Variants in ADGRG6 observed in about 807,000 individuals in gnomAD.
ADGRG6 encodes G-protein coupled receptor 126.
ADGRG6 carries 84 observed loss-of-function variants against 142.4 expected under a neutral mutation model. The observed-to-expected ratio is 0.59, with a 90% CI of 0.49 to 0.71. The LOEUF is 0.71. Ranked by LOEUF, ADGRG6 falls within the 30% of genes least tolerant of loss-of-function variation. The pLI is 0.00. For synonymous variants in ADGRG6, 521 were observed against 520.5 expected, an observed-to-expected ratio of 1.00 and a Z score of -0.01; for missense variants, 1,367 against 1,466.6, an observed-to-expected ratio of 0.93 and a Z score of 1.11.
intron 2 of ADGRG6, among the ~76,000 whole-genome samples, chr6:142,322,610 A>G (rs919758477): frequency 6.6e-6 from 1 of 152,052 alleles, no homozygotes; most frequent in South Asian, 2.1e-4. Flanking sequence ...AAAAACCAAC[A>G]TATCCTTTTT....
intron 17 of ADGRG6, 66 bp from the exon 18 acceptor site, chr6:142,411,239 G>T (rs929971658): frequency 9.5e-6 from 8 of 841,152 alleles, no homozygotes; most frequent in Non-Finnish European, 1.7e-5. Context: ...TCTATAGAAG[G>T]TCTCATCCAT....
chr6:142,362,314 A>G (rs766324100), intron 2 of ADGRG6, among the ~76,000 whole-genome samples: 15 of 152,222 alleles, frequency 9.9e-5, no homozygotes, highest in Non-Finnish European at 1.9e-4. Context: ...GGGTGTTTCC[A>G]AAGAACGTTT....
At chr6:142,421,868 A>C (rs1001081978) in intron 22 of ADGRG6, among the ~76,000 whole-genome samples, 2 of 152,202 alleles carry the variant, frequency 1.3e-5, no homozygotes, top group Admixed American at 6.6e-5. Context: ...TTATATTAAA[A>C]CACCTCCCAG....
intron 1 of ADGRG6, among the ~76,000 whole-genome samples, chr6:142,307,559 T>C (rs567238876): frequency 6.6e-6 from 1 of 152,154 alleles, no homozygotes; most frequent in African/African-American, 2.4e-5. Context: ...CCTGTACTGT[T>C]ATTTCCAGTT....
chr6:142,375,951 T>G (rs1168050917), intron 4 of ADGRG6, among the ~76,000 whole-genome samples: 1 of 152,188 alleles, frequency 6.6e-6, no homozygotes, highest in Non-Finnish European at 1.5e-5. Context: ...TGTTTTCCTA[T>G]ACTTTTCTAA....
chr6:142,409,414 A>G (rs1276311521), intron 16 of ADGRG6, among the ~76,000 whole-genome samples: 1 of 152,188 alleles, frequency 6.6e-6, no homozygotes, highest in Non-Finnish European at 1.5e-5. Flanking sequence ...TTCCTCATTG[A>G]TAGACGCTTG....
At chr6:142,386,177 G>A (rs1782008778) in intron 6 of ADGRG6, among the ~76,000 whole-genome samples, 2 of 152,000 alleles carry the variant, frequency 1.3e-5, no homozygotes, top group African/African-American at 4.8e-5. Flanking sequence ...AGTTATTTTT[G>A]TTGTTTGCAA....
chr6:142,332,139 G>T (rs1402052087), intron 2 of ADGRG6, among the ~76,000 whole-genome samples: 1 of 152,126 alleles, frequency 6.6e-6, no homozygotes, highest in Non-Finnish European at 1.5e-5. Flanking sequence ...TGGGATTTAA[G>T]ATCACAATAT....
At chr6:142,330,653 A>C (rs1430063962) in intron 2 of ADGRG6, among the ~76,000 whole-genome samples, 3 of 152,200 alleles carry the variant, frequency 2.0e-5, no homozygotes, top group African/African-American at 2.4e-5. Flanking sequence ...CTTGAGAAGA[A>C]GATGGATTTG....
intron 7 of ADGRG6, among the ~76,000 whole-genome samples, chr6:142,392,524 A>G (rs1409456622): frequency 6.6e-6 from 1 of 151,992 alleles, no homozygotes; most frequent in Admixed American, 6.6e-5. Flanking sequence ...TTAAATGAAG[A>G]ATAGAGAAGA....
At chr6:142,309,688 C>T in intron 2 of ADGRG6, 44 bp downstream of exon 2, 1 of 1,229,986 alleles carries the variant, frequency 8.1e-7, no homozygotes, top group Non-Finnish European at 1.2e-6. Context: ...ATCATGATGA[C>T]ATTGTCTGCA....
At chr6:142,346,381 T>G (rs1240211986) in intron 2 of ADGRG6, among the ~76,000 whole-genome samples, 1 of 152,238 alleles carries the variant, frequency 6.6e-6, no homozygotes, top group Non-Finnish European at 1.5e-5. Flanking sequence ...AGTTTTGATC[T>G]GCATTCTCTA....
chr6:142,311,128 G>T (rs897406345), intron 2 of ADGRG6, among the ~76,000 whole-genome samples: 1 of 151,854 alleles, frequency 6.6e-6, no homozygotes, highest in African/African-American at 2.4e-5. Flanking sequence ...GAATCAACTT[G>T]TCTGGGACCA....
intron 2 of ADGRG6, among the ~76,000 whole-genome samples, chr6:142,347,667 A>G (rs1779972790): frequency 6.6e-6 from 1 of 152,068 alleles, no homozygotes; most frequent in Admixed American, 6.5e-5. Flanking sequence ...TTCTTTTACT[A>G]TACTTGGTGT....
In ADGRG6 at chr6:142,338,017, G is replaced by GTTTTTTTTTTTTTGTTTGTTTGTT. The variant is rs1779413370; in HGVS notation, c.103+28386_103+28387insGTTTGTTTGTTTTTTTTTTTTTTT. Among the ~76,000 whole-genome samples the GTTTTTTTTTTTTTGTTTGTTTGTT allele has an allele frequency of 4.5e-4, 16 of 35,376 alleles. 1 individual carries two copies. The highest frequency in any genetic ancestry group is 2.0e-3 in the African/African-American group (16 of 7,860). 23.2% of individuals were successfully genotyped at this position (35,376 alleles called of 152,430 possible). On this transcript the variant is annotated intron_variant, in intron 2 of 24. Transcript: ENST00000367609. ...AATCCTTTTTATGCCTTGTATCTTT[G>GTTTTTTTTTTTTTGTTTGTTTGTT]TTTTTTTTTTTTTTTTTTTTTGAGA...
At chr6:142,417,230 C>A in intron 20 of ADGRG6, 43 bp from the exon 21 acceptor site, 1 of 993,650 alleles carries the variant, frequency 1.0e-6, no homozygotes, top group Non-Finnish European at 1.6e-6. Flanking sequence ...GAAGCAGTTT[C>A]AGATGCTTCA....
At chr6:142,430,531 G>A (rs185651363) in intron 22 of ADGRG6, among the ~76,000 whole-genome samples, 1 of 152,220 alleles carries the variant, frequency 6.6e-6, no homozygotes, top group East Asian at 1.9e-4. Context: ...CCCCCAGAAA[G>A]CCATGGATCA....
chr6:142,418,012 C>T (rs369649550), intron 21 of ADGRG6, among the ~76,000 whole-genome samples: 3 of 152,014 alleles, frequency 2.0e-5, no homozygotes, highest in South Asian at 2.1e-4. Flanking sequence ...ACATTTACAT[C>T]GGCTGGGCGC....
chr6:142,394,889 C>T (rs141389929), intron 9 of ADGRG6, among the ~76,000 whole-genome samples: 2,236 of 152,186 alleles, frequency 0.015, 26 homozygotes, highest in Non-Finnish European at 0.025. Flanking sequence ...GATGTCATAT[C>T]TGGCCTCCAT....
Sources: allele counts gnomAD v4.1 joint callset (sites outside exome capture counted in the v4.1 genomes callset), GRCh38; gene constraint gnomAD v4.1.1; transcripts MANE v1.5; gene names NCBI Gene and HGNC (gene_info 2026-07-23, HGNC 2026-07-21).